EGFLAM: variants seen among roughly 807,000 people sequenced by gnomAD.
The protein encoded by EGFLAM is pikachurin.
In EGFLAM, 79 loss-of-function variants were observed where a neutral mutation model predicts 113.1. That is an observed-to-expected ratio of 0.70 (90% CI 0.58 to 0.84). The LOEUF (loss-of-function observed/expected upper bound fraction) is 0.84, where lower values mean the gene tolerates loss of function less well. EGFLAM is among the 40% of genes least tolerant of loss of function. The probability of loss-of-function intolerance (pLI) is 0.00; values close to 1 mark genes in which losing one functional copy is unlikely to be tolerated. For synonymous variants in EGFLAM, 504 were observed against 487.6 expected, an observed-to-expected ratio of 1.03 and a Z score of -0.44; for missense variants, 1,265 against 1,291.6, an observed-to-expected ratio of 0.98 and a Z score of 0.32.
chr5:38,286,112 A>G (rs1277154100), intron 1 of EGFLAM: 1 of 152,226 alleles, frequency 6.6e-6, no homozygotes, highest in Non-Finnish European at 1.5e-5. Flanking sequence ...CATTTCAAAA[A>G]AAAAAAGTAA....
At chr5:38,279,664 A>T (rs967164450) in intron 1 of EGFLAM, among the ~76,000 whole-genome samples, 3 of 152,162 alleles carry the variant, frequency 2.0e-5, no homozygotes, top group African/African-American at 7.2e-5. Context: ...GAGTCTAAAA[A>T]AGTTGATCTC....
intron 16 of EGFLAM, among the ~76,000 whole-genome samples, chr5:38,435,550 T>C (rs1157937333): frequency 1.3e-5 from 2 of 152,280 alleles, no homozygotes; most frequent in Admixed American, 1.3e-4. Flanking sequence ...AATGGCATCA[T>C]GTGTCTGCAG....
chr5:38,319,286 C>T (rs1241246170), intron 1 of EGFLAM, among the ~76,000 whole-genome samples: 1 of 152,038 alleles, frequency 6.6e-6, no homozygotes, highest in Non-Finnish European at 1.5e-5. Flanking sequence ...ATGCTTGACC[C>T]CCTGATTTCT....
Position 38,338,718 on chromosome 5 carries a change from C to T in EGFLAM, c.228C>T (p.Gly76=), listed in dbSNP as rs142461042. Residue 76 remains glycine, a synonymous_variant, in exon 3 of 22, where the codon GGC becomes GGT. Coordinates refer to ENST00000322350, the MANE Select transcript of EGFLAM (RefSeq NM_152403.4). ...LGYTVFYSEV[G]ADKSLQEQLH... is the part of the protein sequence containing the mutation. Reference sequence around the variant, plus strand: ...TCAAGGTCTTTTACTCTGAGGTTGGCGCAGATAAATCCCTGCAGGAGCAGT... The same window carrying T: ...TCAAGGTCTTTTACTCTGAGGTTGGTGCAGATAAATCCCTGCAGGAGCAGT... 1.2e-5 allele frequency: 20 copies of T among 1,614,198 alleles called. No individual in the cohort carries two copies. Among genetic ancestry groups the T allele is most frequent in the Middle Eastern group, 3.3e-4 (2 of 6,062 alleles).
chr5:38,378,454 G>T (rs1487721369), intron 6 of EGFLAM, among the ~76,000 whole-genome samples: 1 of 152,170 alleles, frequency 6.6e-6, no homozygotes, highest in Non-Finnish European at 1.5e-5. Flanking sequence ...CTCTTCTTTG[G>T]CGGCAATGCC....
At chr5:38,355,975 G>T (rs1276536472) in intron 5 of EGFLAM, among the ~76,000 whole-genome samples, 1 of 152,008 alleles carries the variant, frequency 6.6e-6, no homozygotes. Context: ...GGTCAGGCTG[G>T]TCTCAAACTC....
chr5:38,333,916 GTTTTTTTTTT>G (rs70978880), intron 1 of EGFLAM, among the ~76,000 whole-genome samples: 1 of 29,276 alleles, frequency 3.4e-5, no homozygotes, highest in African/African-American at 1.6e-4. Context: ...ATTGTTGAGG[GTTTTTTTTTT>G]TTTTTTTTTT....
At chr5:38,327,462 T>G (rs1445376689) in intron 1 of EGFLAM, among the ~76,000 whole-genome samples, 1 of 152,228 alleles carries the variant, frequency 6.6e-6, no homozygotes, top group African/African-American at 2.4e-5. Flanking sequence ...CACCCTAATG[T>G]ATCAATTAGC....
intron 5 of EGFLAM, among the ~76,000 whole-genome samples, chr5:38,356,938 G>A (rs1165597413): frequency 6.6e-6 from 1 of 152,158 alleles, no homozygotes; most frequent in African/African-American, 2.4e-5. Context: ...TTAGGATGAG[G>A]TCTTTGGAAC....
At chr5:38,371,691 GA>G (rs1047180046) in intron 6 of EGFLAM, among the ~76,000 whole-genome samples, 5 of 150,244 alleles carry the variant, frequency 3.3e-5, no homozygotes, top group Non-Finnish European at 5.9e-5. Context: ...GATCACCCAG[GA>G]AAAAAAAATG....
intron 1 of EGFLAM, among the ~76,000 whole-genome samples, chr5:38,308,065 T>A (rs1198726689): frequency 6.6e-6 from 1 of 152,148 alleles, no homozygotes; most frequent in East Asian, 1.9e-4. Context: ...CCCAGAAAAA[T>A]ATGTTGTTGG....
intron 1 of EGFLAM, among the ~76,000 whole-genome samples, chr5:38,325,983 T>C (rs957600990): frequency 6.6e-5 from 10 of 151,972 alleles, no homozygotes; most frequent in Non-Finnish European, 1.3e-4. Flanking sequence ...TTTATATAAA[T>C]ATTACAAATA....
At chr5:38,453,911 C>A (rs772364379) in intron 19 of EGFLAM, among the ~76,000 whole-genome samples, 1 of 152,232 alleles carries the variant, frequency 6.6e-6, no homozygotes, top group African/African-American at 2.4e-5. Flanking sequence ...CCCTCTCCCA[C>A]CTGCTTAGGA....
intron 6 of EGFLAM, among the ~76,000 whole-genome samples, chr5:38,405,332 T>C (rs1356163396): frequency 1.3e-5 from 2 of 152,186 alleles, no homozygotes; most frequent in African/African-American, 4.8e-5. Flanking sequence ...GGTATTTATG[T>C]GTTTGTCCTG....
At chr5:38,416,614 C>T (rs916611986) in intron 11 of EGFLAM, among the ~76,000 whole-genome samples, 1 of 152,184 alleles carries the variant, frequency 6.6e-6, no homozygotes, top group Non-Finnish European at 1.5e-5. Flanking sequence ...GCTACCCACC[C>T]CTACAAGGCA....
rs202022737 is a variant in EGFLAM, at chr5:38,458,408, G to A, written c.2771+14G>A. 5.4e-5 allele frequency: 87 copies of A among 1,612,312 alleles called. No homozygotes were observed. The highest frequency in any genetic ancestry group is 1.0e-4 in the Admixed American group (6 of 59,816). ...TAAGGCCGTTAGGTGAGTCCCTCCC[G>A]CAGCATGAGGCAGAGCCAGAGCTGA... is the stretch of plus-strand genomic sequence containing the variant. On this transcript the variant is annotated intron_variant, in intron 20 of 21. Transcript: ENST00000322350.
Position 38,323,777 on chromosome 5 carries a change from A to G in EGFLAM, c.98-13743A>G, listed in dbSNP as rs1324168692. ...ATTAAGAGTTTTTTCGGCCAGGCACAGTGGCTCATGTCTGTAATCGTAGCA... is the reference window on the plus strand; with the variant it reads ...ATTAAGAGTTTTTTCGGCCAGGCACGGTGGCTCATGTCTGTAATCGTAGCA... On this transcript the variant is annotated intron_variant, in intron 1 of 21. Transcript: ENST00000322350. Among the ~76,000 whole-genome samples the G allele has an allele frequency of 3.9e-5, 6 of 152,244 alleles. No homozygotes were observed. The East Asian group carries it at 7.7e-4, about 20-fold the overall frequency.
At position 38,464,031 on chromosome 5, in the gene EGFLAM, A is replaced by G; in HGVS notation, c.*45A>G. The G allele has an allele frequency of 6.2e-7, 1 of 1,612,098 alleles. No individual in the cohort carries two copies. Among genetic ancestry groups the G allele is most frequent in the Non-Finnish European group, 8.5e-7 (1 of 1,178,764 alleles). ...AGGGACAGAGCCTTCTATTCTGAGA[A>G]TCCCAGGGGCCCTCAGACCCTGCCT... On this transcript the variant is annotated 3_prime_UTR_variant, in exon 22 of 22. Transcript: ENST00000322350.
In EGFLAM at chr5:38,258,921, G is replaced by C. The variant is rs550384113; in HGVS notation, c.97+70G>C. ...TGCTGGGCTCCGGGGCGAGGACACA[G>C]AGCGGGCAGCGCACCGCCTCCCTCT... On this transcript the variant is annotated intron_variant, in intron 1 of 21. Coordinates refer to ENST00000322350, the MANE Select transcript of EGFLAM (RefSeq NM_152403.4). 320 of 1,494,358 alleles carry C rather than the reference G, an allele frequency of 2.1e-4. 2 individuals are homozygous for C. Among genetic ancestry groups the C allele is most frequent in the Non-Finnish European group, 6.2e-5 (69 of 1,108,802 alleles). The allele number at this position is 1,494,358 out of a possible 1,614,324, so 92.6% of individuals were successfully genotyped here. A position where few individuals can be genotyped will look rare whatever the true frequency, so the allele number is the denominator to read the frequency against.
Sources: gnomAD v4.1 joint callset for allele counts (sites outside exome capture counted in the v4.1 genomes callset) on GRCh38, gnomAD v4.1.1 for gene constraint, MANE v1.5 for transcripts, NCBI Gene and HGNC (gene_info 2026-07-23, HGNC 2026-07-21) for gene names.